Variants in CPED1 observed in about 807,000 individuals in gnomAD.
CPED1 encodes cadherin like and PC-esterase domain containing 1.
A neutral mutation model predicts 128.2 loss-of-function variants in CPED1; 114 were observed. The observed-to-expected ratio is 0.89, with a 90% CI of 0.76 to 1.04. The LOEUF is 1.04. CPED1 is among the 50% of genes least tolerant of loss of function. CPED1 has a pLI of 0.00. For missense variants in CPED1, 1,211 were observed against 1,207.1 expected, an observed-to-expected ratio of 1.00 and a Z score of -0.05; for synonymous variants, 462 against 426.7, an observed-to-expected ratio of 1.08 and a Z score of -1.02.
chr7:121,119,481 A>G (rs541436805), intron 7 of CPED1, among the ~76,000 whole-genome samples: 2 of 151,080 alleles, frequency 1.3e-5, no homozygotes, highest in South Asian at 2.1e-4. Context: ...ATTTTCATAT[A>G]TAAAAATATT....
intron 3 of CPED1, among the ~76,000 whole-genome samples, chr7:121,032,484 T>A (rs1223463217): frequency 7.4e-6 from 1 of 135,086 alleles, no homozygotes; most frequent in East Asian, 2.3e-4. Flanking sequence ...AGGTGAACAA[T>A]GACAACAAAT....
chr7:121,002,790 G>T (rs1337315084), intron 2 of CPED1, among the ~76,000 whole-genome samples: 2 of 152,170 alleles, frequency 1.3e-5, no homozygotes, highest in Non-Finnish European at 2.9e-5. Flanking sequence ...TCACAAGCTA[G>T]AATTGTCTCC....
At chr7:121,210,421 A>G (rs1797616239) in intron 16 of CPED1, among the ~76,000 whole-genome samples, 1 of 152,082 alleles carries the variant, frequency 6.6e-6, no homozygotes, top group African/African-American at 2.4e-5. Flanking sequence ...GTGTTCATCA[A>G]CAGATAAATG....
intron 16 of CPED1, among the ~76,000 whole-genome samples, chr7:121,202,572 G>A (rs1308919591): frequency 6.6e-6 from 1 of 151,976 alleles, no homozygotes; most frequent in South Asian, 2.1e-4. Context: ...TCTACAGTTG[G>A]GCTCCAGAAT....
chr7:121,270,890 T>A (rs72607710), intron 21 of CPED1, among the ~76,000 whole-genome samples: 1 of 152,098 alleles, frequency 6.6e-6, no homozygotes, highest in African/African-American at 2.4e-5. Context: ...TTTAGAATAG[T>A]TTTTTCTAAT....
chr7:121,266,514 C>A, intron 19 of CPED1, 67 bp downstream of exon 19: 1 of 1,332,056 alleles, frequency 7.5e-7, no homozygotes, highest in Non-Finnish European at 1.1e-6. Context: ...GCAGTCGTCA[C>A]TGCTCAACTA....
chr7:121,185,346 T>C (rs541952433), intron 16 of CPED1, among the ~76,000 whole-genome samples: 16 of 152,304 alleles, frequency 1.1e-4, no homozygotes, highest in African/African-American at 3.6e-4. Flanking sequence ...ATATATTTCA[T>C]AAATGACTAT....
At chr7:121,059,631 A>G (rs1015879678) in intron 4 of CPED1, among the ~76,000 whole-genome samples, 3 of 152,068 alleles carry the variant, frequency 2.0e-5, no homozygotes, top group Non-Finnish European at 2.9e-5. Flanking sequence ...AATTCATAAT[A>G]TTATTGTAGT....
intron 5 of CPED1, among the ~76,000 whole-genome samples, chr7:121,084,912 C>T (rs546797835): frequency 6.6e-6 from 1 of 152,184 alleles, no homozygotes; most frequent in Non-Finnish European, 1.5e-5. Flanking sequence ...CAAAGAAATA[C>T]CAGATCTATC....
At chr7:121,275,828 TTATTTGGCC>T (rs1411960606) in intron 22 of CPED1, among the ~76,000 whole-genome samples, 1 of 151,738 alleles carries the variant, frequency 6.6e-6, no homozygotes, top group Non-Finnish European at 1.5e-5. Flanking sequence ...AAATAAAAGA[TTATTTGGCC>T]TAGAAATAAA....
chr7:121,086,859 C>T (rs867035350), intron 5 of CPED1, among the ~76,000 whole-genome samples: 2 of 152,168 alleles, frequency 1.3e-5, no homozygotes, highest in Non-Finnish European at 2.9e-5. Context: ...TTTACCCTCT[C>T]TCCTAATGGA....
intron 5 of CPED1, among the ~76,000 whole-genome samples, chr7:121,073,180 T>C (rs775077583): frequency 3.9e-5 from 6 of 152,222 alleles, no homozygotes; most frequent in Non-Finnish European, 8.8e-5. Flanking sequence ...TATTATATAC[T>C]GTATTTTTAT....
chr7:121,020,903 A>G (rs1482146336), intron 3 of CPED1, among the ~76,000 whole-genome samples: 1 of 151,994 alleles, frequency 6.6e-6, no homozygotes. Flanking sequence ...AATGGGTCAA[A>G]AGCCAGAGCA....
chr7:121,060,219 C>G (rs1793621132), intron 4 of CPED1, among the ~76,000 whole-genome samples: 2 of 152,220 alleles, frequency 1.3e-5, no homozygotes, highest in African/African-American at 4.8e-5. Flanking sequence ...GAGCCTCCCA[C>G]CCCCTCCGTG....
rs1183586561 is a variant in CPED1, at chr7:121,287,158, C to T, written c.2869-8282C>T. Reference sequence around the variant, plus strand: ...ATTCAAGATGGGATTTGAGTGGGGACAGAAAACCTAACCATATCACCTGGG... The same window carrying T: ...ATTCAAGATGGGATTTGAGTGGGGATAGAAAACCTAACCATATCACCTGGG... On this transcript the variant is annotated intron_variant, in intron 22 of 22. Coordinates refer to ENST00000310396, the MANE Select transcript of CPED1 (RefSeq NM_024913.5). 2.6e-5 allele frequency among the ~76,000 whole-genome samples: 4 copies of T among 152,066 alleles called. No individual in the cohort carries two copies. The East Asian group carries it at 7.7e-4, about 29-fold the overall frequency.
At chr7:121,154,587 C>T (rs960667498) in intron 16 of CPED1, among the ~76,000 whole-genome samples, 10 of 151,684 alleles carry the variant, frequency 6.6e-5, no homozygotes, top group Admixed American at 3.3e-4. Flanking sequence ...CACTCTGTTG[C>T]CAGGCTGTAG....
chr7:121,245,815 C>T (rs539395796), intron 18 of CPED1, among the ~76,000 whole-genome samples: 7 of 152,002 alleles, frequency 4.6e-5, no homozygotes, highest in African/African-American at 9.6e-5. Context: ...CTCAGCCTCC[C>T]GAGTAGCTGG....
chr7:120,991,307 A>G (rs1796305957), intron 2 of CPED1, among the ~76,000 whole-genome samples: 1 of 152,212 alleles, frequency 6.6e-6, no homozygotes, highest in South Asian at 2.1e-4. Flanking sequence ...CTGAAATTGT[A>G]CATCTATTTT....
At chr7:121,145,557 T>G (rs574364110) in intron 16 of CPED1, among the ~76,000 whole-genome samples, 2 of 152,198 alleles carry the variant, frequency 1.3e-5, no homozygotes, top group South Asian at 4.1e-4. Context: ...GTGAATAATG[T>G]GGACTGCTTT....
Sources: allele counts gnomAD v4.1 joint callset (sites outside exome capture counted in the v4.1 genomes callset), GRCh38; gene constraint gnomAD v4.1.1; transcripts MANE v1.5; gene names NCBI Gene and HGNC (gene_info 2026-07-23, HGNC 2026-07-21).